NR3C2: variants seen among roughly 807,000 people sequenced by gnomAD.
The protein encoded by NR3C2 is nuclear receptor subfamily 3 group C member 2, also known as mineralocorticoid receptor.
In NR3C2, 15 loss-of-function variants were observed where a neutral mutation model predicts 86.4. The observed-to-expected ratio is 0.17, with a 90% CI of 0.12 to 0.27. The LOEUF (loss-of-function observed/expected upper bound fraction) is 0.27, where lower values mean the gene tolerates loss of function less well. Among genes scored for constraint, NR3C2 ranks in the 10% least tolerant of loss-of-function variants. The pLI is 1.00. For synonymous variants in NR3C2, 458 were observed against 450.5 expected (o/e 1.02, Z -0.21); for missense variants, 960 against 1,195.6 (o/e 0.80, Z 2.91).
intron 2 of NR3C2, among the ~76,000 whole-genome samples, chr4:148,320,646 T>A (rs1743519644): frequency 6.6e-6 from 1 of 151,826 alleles, no homozygotes. Context: ...TCTTCTAGAT[T>A]TTCTAGTTTA....
At chr4:148,352,863 T>C (rs1271760300) in intron 2 of NR3C2, among the ~76,000 whole-genome samples, 6 of 152,168 alleles carry the variant, frequency 3.9e-5, no homozygotes, top group Non-Finnish European at 8.8e-5. Flanking sequence ...AAGATTCTTA[T>C]GTAATGTGAT....
intron 2 of NR3C2, among the ~76,000 whole-genome samples, chr4:148,318,621 G>A (rs1228312633): frequency 6.6e-6 from 1 of 152,126 alleles, no homozygotes; most frequent in East Asian, 1.9e-4. Context: ...TTTCTCTAAC[G>A]GCCAGTGATG....
intron 2 of NR3C2, among the ~76,000 whole-genome samples, chr4:148,429,058 C>A (rs918030713): frequency 2.6e-5 from 4 of 152,130 alleles, no homozygotes; most frequent in African/African-American, 9.7e-5. Context: ...CTCCCCATCT[C>A]CAGGATTTTG....
intron 6 of NR3C2, among the ~76,000 whole-genome samples, chr4:148,136,757 C>T (rs543613111): frequency 1.3e-5 from 2 of 152,238 alleles, no homozygotes; most frequent in South Asian, 2.1e-4. Flanking sequence ...AGGGGTTCTC[C>T]TGCCTCAGCC....
At chr4:148,253,380 T>C (rs1739668593) in intron 3 of NR3C2, among the ~76,000 whole-genome samples, 1 of 152,100 alleles carries the variant, frequency 6.6e-6, no homozygotes, top group Non-Finnish European at 1.5e-5. Context: ...TCAGCAAAAA[T>C]GGTGAATCAT....
intron 4 of NR3C2, among the ~76,000 whole-genome samples, chr4:148,158,170 G>A (rs969994165): frequency 3.3e-5 from 5 of 152,110 alleles, no homozygotes; most frequent in African/African-American, 4.8e-5. Context: ...GTGCTGAGCC[G>A]GCACTAGTAA....
intron 2 of NR3C2, among the ~76,000 whole-genome samples, chr4:148,261,039 G>T (rs147490695): frequency 2.2e-4 from 33 of 152,270 alleles, no homozygotes; most frequent in Admixed American, 7.8e-4. Context: ...TTTACCTGCA[G>T]ATCCTGTGCA....
intron 3 of NR3C2, among the ~76,000 whole-genome samples, chr4:148,244,745 T>G (rs1739235196): frequency 6.6e-6 from 1 of 152,180 alleles, no homozygotes; most frequent in Admixed American, 6.6e-5. Flanking sequence ...CTTTTAAAAG[T>G]TTTTAAGTAT....
At chr4:148,285,429 C>A (rs887531773) in intron 2 of NR3C2, among the ~76,000 whole-genome samples, 1 of 152,146 alleles carries the variant, frequency 6.6e-6, no homozygotes, top group Non-Finnish European at 1.5e-5. Context: ...TTCCTCCAGG[C>A]CGGACGTGGT....
intron 8 of NR3C2, among the ~76,000 whole-genome samples, chr4:148,084,242 G>A (rs1227770238): frequency 1.3e-5 from 2 of 150,028 alleles, no homozygotes; most frequent in Non-Finnish European, 1.5e-5. Context: ...TGAAATGAAG[G>A]AAAAATGTTA....
intron 8 of NR3C2, among the ~76,000 whole-genome samples, chr4:148,098,977 G>T (rs1731417491): frequency 6.6e-6 from 1 of 152,016 alleles, no homozygotes; most frequent in Non-Finnish European, 1.5e-5. Context: ...TAGCATATCA[G>T]TGAGTCCCTT....
At chr4:148,192,688 G>C (rs1233506752) in intron 4 of NR3C2, among the ~76,000 whole-genome samples, 2 of 152,084 alleles carry the variant, frequency 1.3e-5, no homozygotes, top group Non-Finnish European at 2.9e-5. Flanking sequence ...GAGATTCCCA[G>C]TTCACTGGAG....
chr4:148,444,808 C>T, upstream of NR3C2: 1 of 985,082 alleles, frequency 1.0e-6, no homozygotes, highest in East Asian at 1.1e-4. Flanking sequence ...TGGCGGGCCC[C>T]TCTCCCGGGG....
chr4:148,178,948 C>CA lies in NR3C2; in HGVS notation c.2014+15797dup, dbSNP rs1057288181. The stretch of plus-strand genomic sequence containing the variant: ...AGAAGCAGGTAAAAAAAAAAAAAAA[C>CA]AAAAAAAAACAACAAAACAAAACAA... On this transcript the variant is annotated intron_variant, in intron 4 of 8. Transcript: ENST00000358102. Among the ~76,000 whole-genome samples the CA allele has an allele frequency of 3.8e-3, 474 of 125,398 alleles. 3 individuals are homozygous for CA. The highest frequency in any genetic ancestry group is 0.01 in the African/African-American group (349 of 33,724). The allele number at this position is 125,398 out of a possible 152,430, so 82.3% of individuals were successfully genotyped here.
chr4:148,369,823 A>T (rs199909682), intron 2 of NR3C2, among the ~76,000 whole-genome samples: 1 of 152,342 alleles, frequency 6.6e-6, no homozygotes, highest in African/African-American at 2.4e-5. Context: ...AAAATAAAAA[A>T]GTGATATTGC....
At chr4:148,262,182 T>C (rs758839376) in intron 2 of NR3C2, among the ~76,000 whole-genome samples, 10 of 152,182 alleles carry the variant, frequency 6.6e-5, no homozygotes, top group Admixed American at 1.3e-4. Flanking sequence ...GAAAATGTAA[T>C]TGCTTTTTCA....
intron 2 of NR3C2, among the ~76,000 whole-genome samples, chr4:148,272,339 T>C (rs1330915806): frequency 6.6e-6 from 1 of 152,130 alleles, no homozygotes; most frequent in Non-Finnish European, 1.5e-5. Context: ...AGTTCCAAAT[T>C]CAGTTAACTC....
chr4:148,356,944 T>C (rs575982885), intron 2 of NR3C2, among the ~76,000 whole-genome samples: 8 of 148,764 alleles, frequency 5.4e-5, no homozygotes, highest in African/African-American at 2.0e-4. Flanking sequence ...TGTTACGGGA[T>C]GCTTTTTGTT....
At chr4:148,162,019 C>A (rs1734684868) in intron 4 of NR3C2, among the ~76,000 whole-genome samples, 1 of 152,098 alleles carries the variant, frequency 6.6e-6, no homozygotes, top group Admixed American at 6.5e-5. Flanking sequence ...TGGTGTGAGG[C>A]AGATTACACC....
Sources: allele counts gnomAD v4.1 joint callset (sites outside exome capture counted in the v4.1 genomes callset), GRCh38; gene constraint gnomAD v4.1.1; transcripts MANE v1.5; gene names NCBI Gene and HGNC (gene_info 2026-07-23, HGNC 2026-07-21).